SOX5: variants seen among roughly 807,000 people sequenced by gnomAD.
The protein encoded by SOX5 is SRY-box transcription factor 5.
SOX5 carries 9 observed loss-of-function variants against 92.0 expected under a neutral mutation model. The observed-to-expected ratio is 0.10, with a 90% CI of 0.06 to 0.17. SOX5 has a LOEUF of 0.17. Among genes scored for constraint, SOX5 ranks in the 10% least tolerant of loss-of-function variants. The pLI is 1.00. For synonymous variants in SOX5, 344 were observed against 336.3 expected (o/e 1.02, Z -0.25); for missense variants, 642 against 944.5 (o/e 0.68, Z 4.20).
At chr12:24,450,770 C>T (rs1474081206) in intron 1 of SOX5, among the ~76,000 whole-genome samples, 4 of 152,170 alleles carry the variant, frequency 2.6e-5, no homozygotes, top group East Asian at 1.9e-4. Flanking sequence ...GGATTACAGG[C>T]GTGAGCCACC....
chr12:23,909,265 T>G (rs1256305226), intron 1 of SOX5, among the ~76,000 whole-genome samples: 1 of 152,188 alleles, frequency 6.6e-6, no homozygotes, highest in African/African-American at 2.4e-5. Flanking sequence ...CCTGTATGCT[T>G]TCTCTTTTCA....
chr12:24,195,632 G>A (rs1956938435), intron 4 of SOX5, among the ~76,000 whole-genome samples: 1 of 152,056 alleles, frequency 6.6e-6, no homozygotes, highest in Non-Finnish European at 1.5e-5. Flanking sequence ...GGACCTATGT[G>A]GTCCAAACTG....
In SOX5 at chr12:24,478,105, T is replaced by C. The variant is rs1015016633; in HGVS notation, c.-251+84224A>G. Among the ~76,000 whole-genome samples, 3 of 152,318 alleles carry C rather than the reference T, an allele frequency of 2.0e-5. No individual in the cohort carries two copies. In the South Asian group the frequency reaches 6.2e-4, roughly 32 times the overall value. On this transcript the variant is annotated intron_variant, in intron 1 of 4. Transcript: ENST00000446891. ...AATTCCGAATCCAGAACTGTCTACT[T>C]GTGACATCCAAATGTTTTTGGCCAT...
chr12:23,666,250 C>A (rs909995722), intron 6 of SOX5, among the ~76,000 whole-genome samples: 1 of 152,018 alleles, frequency 6.6e-6, no homozygotes, highest in Non-Finnish European at 1.5e-5. Context: ...TTGCCTGCAT[C>A]TATCCCTTTT....
chr12:23,789,180 T>G (rs558371492), intron 3 of SOX5, among the ~76,000 whole-genome samples: 1 of 151,870 alleles, frequency 6.6e-6, no homozygotes, highest in Non-Finnish European at 1.5e-5. Flanking sequence ...TAGATCATAA[T>G]GCAATCAAAG....
intron 3 of SOX5, among the ~76,000 whole-genome samples, chr12:24,248,018 T>C (rs569355097): frequency 1.3e-5 from 2 of 152,288 alleles, no homozygotes; most frequent in South Asian, 4.1e-4. Context: ...AGCTACTTCT[T>C]ATACTGTCTC....
chr12:23,646,184 ATTTAT>A (rs1458875278), intron 7 of SOX5, among the ~76,000 whole-genome samples: 1 of 151,590 alleles, frequency 6.6e-6, no homozygotes, highest in Non-Finnish European at 1.5e-5. Context: ...TTATTTACTT[ATTTAT>A]TTTGAGACAG....
At chr12:24,010,012 T>C (rs1193870884) in intron 4 of SOX5, among the ~76,000 whole-genome samples, 1 of 152,242 alleles carries the variant, frequency 6.6e-6, no homozygotes, top group Non-Finnish European at 1.5e-5. Context: ...GCTGGTATTT[T>C]CTTATCTTCA....
chr12:24,009,874 T>A (rs1261782293), intron 4 of SOX5, among the ~76,000 whole-genome samples: 2 of 152,088 alleles, frequency 1.3e-5, no homozygotes, highest in African/African-American at 4.8e-5. Context: ...AAAAACCTAC[T>A]AAGATACAAA....
At chr12:24,526,942 C>G (rs1950765364) in intron 1 of SOX5, among the ~76,000 whole-genome samples, 1 of 151,994 alleles carries the variant, frequency 6.6e-6, no homozygotes, top group Non-Finnish European at 1.5e-5. Flanking sequence ...CCTCAGCCTC[C>G]CAAGTAGCTG....
At chr12:24,160,376 A>T (rs1485571901) in intron 4 of SOX5, among the ~76,000 whole-genome samples, 2 of 152,000 alleles carry the variant, frequency 1.3e-5, no homozygotes, top group African/African-American at 4.8e-5. Flanking sequence ...TGGCCTAGTG[A>T]CCAGGAGGAT....
At chr12:23,792,167 A>G (rs2095485308) in intron 3 of SOX5, among the ~76,000 whole-genome samples, 1 of 152,130 alleles carries the variant, frequency 6.6e-6, no homozygotes, top group African/African-American at 2.4e-5. Flanking sequence ...AGTGCTGATG[A>G]AAGACCAGAA....
chr12:24,429,611 T>TACACAC (rs911978377), intron 1 of SOX5, among the ~76,000 whole-genome samples: 3 of 146,906 alleles, frequency 2.0e-5, no homozygotes, highest in Admixed American at 6.8e-5. Context: ...GAAACACACA[T>TACACAC]ACACACACAC....
chr12:24,379,876 C>CTT (rs10652256), intron 1 of SOX5, among the ~76,000 whole-genome samples: 8 of 139,718 alleles, frequency 5.7e-5, no homozygotes, highest in South Asian at 2.2e-4. Flanking sequence ...CCAGAAGATT[C>CTT]TTTTTTTTTT....
chr12:23,764,937 C>T (rs2094669707), intron 3 of SOX5, among the ~76,000 whole-genome samples: 1 of 151,936 alleles, frequency 6.6e-6, no homozygotes, highest in Non-Finnish European at 1.5e-5. Flanking sequence ...CTGCCAGATG[C>T]CTGAAAAGAT....
chr12:24,453,385 C>A (rs1942597572), intron 1 of SOX5, among the ~76,000 whole-genome samples: 1 of 152,108 alleles, frequency 6.6e-6, no homozygotes, highest in Non-Finnish European at 1.5e-5. Context: ...GTCAGAGTGG[C>A]ATTAAGATGT....
chr12:24,503,210 C>T (rs1260480955), intron 1 of SOX5, among the ~76,000 whole-genome samples: 1 of 152,144 alleles, frequency 6.6e-6, no homozygotes, highest in East Asian at 1.9e-4. Flanking sequence ...ATCTCTGTAA[C>T]TTTTCTATAA....
intron 4 of SOX5, among the ~76,000 whole-genome samples, chr12:24,164,563 C>G (rs1423880358): frequency 6.6e-6 from 1 of 152,002 alleles, no homozygotes; most frequent in Admixed American, 6.6e-5. Flanking sequence ...GCTAATCACT[C>G]TGGTGTCCCT....
chr12:24,489,096 C>T (rs1946800603), intron 1 of SOX5, among the ~76,000 whole-genome samples: 1 of 152,110 alleles, frequency 6.6e-6, no homozygotes, highest in African/African-American at 2.4e-5. Context: ...AATGTGAAAC[C>T]CCTCAGGCCT....
Sources: gnomAD v4.1 joint callset for allele counts (sites outside exome capture counted in the v4.1 genomes callset) on GRCh38, gnomAD v4.1.1 for gene constraint, MANE v1.5 for transcripts, NCBI Gene and HGNC (gene_info 2026-07-23, HGNC 2026-07-21) for gene names.